Variants in SYN3 observed in about 807,000 individuals in gnomAD.
SYN3 encodes the protein synapsin-3.
SYN3 carries 35 observed loss-of-function variants against 65.8 expected under a neutral mutation model. The observed-to-expected ratio is 0.53, with a 90% confidence interval of 0.41 to 0.70. The LOEUF is 0.70. Ranked by LOEUF, SYN3 falls within the 30% of genes least tolerant of loss-of-function variation. The pLI is 0.00. For synonymous variants in SYN3, 270 were observed against 292.9 expected, an observed-to-expected ratio of 0.92 and a Z score of 0.80; for missense variants, 680 against 749.0, an observed-to-expected ratio of 0.91 and a Z score of 1.08.
chr22:32,857,912 C>A, intron 6 of SYN3: 1 of 1,557,402 alleles, frequency 6.4e-7, no homozygotes, highest in Non-Finnish European at 8.8e-7. Flanking sequence ...GAAAAGTACC[C>A]AGCCACAGTG....
At chr22:32,513,920 C>T in intron 13 of SYN3, 96 bp from the exon 14 acceptor site, 1 of 1,500,300 alleles carries the variant, frequency 6.7e-7, no homozygotes, top group South Asian at 1.2e-5. Context: ...TGGGCTACCC[C>T]AATCATCATA....
chr22:32,653,495 C>T (rs1420840928), intron 6 of SYN3, among the ~76,000 whole-genome samples: 4 of 152,118 alleles, frequency 2.6e-5, no homozygotes, highest in African/African-American at 4.8e-5. Context: ...GAAAAAAATG[C>T]TAGGGCTTCA....
chr22:33,006,716 C>T lies in SYN3; in HGVS notation c.-54G>A. On this transcript the variant is annotated 5_prime_UTR_variant, in exon 2 of 14. Coordinates refer to ENST00000358763, the MANE Select transcript of SYN3 (RefSeq NM_003490.4). ...CCTACCCAGACGTGTGTAGGTGAGG[C>T]CCAGAAGACAGGCTGCTGCCAGGTA... The T allele has an allele frequency of 6.7e-7, 1 of 1,502,554 alleles. No individual in the cohort carries two copies. Among genetic ancestry groups the T allele is most frequent in the South Asian group, 1.3e-5 (1 of 74,330 alleles). 93.1% of individuals were successfully genotyped at this position (1,502,554 alleles called of 1,614,324 possible). A position where few individuals can be genotyped will look rare whatever the true frequency, so the allele number is the denominator to read the frequency against.
chr22:32,676,673 A>G (rs1465527990), intron 6 of SYN3, among the ~76,000 whole-genome samples: 3 of 148,586 alleles, frequency 2.0e-5, no homozygotes, highest in East Asian at 4.0e-4. Context: ...AGTAGCTGGG[A>G]CTACAGGCAC....
intron 6 of SYN3, among the ~76,000 whole-genome samples, chr22:32,603,810 C>T (rs972471831): frequency 9.9e-5 from 15 of 152,228 alleles, no homozygotes; most frequent in African/African-American, 3.6e-4. Flanking sequence ...TCTGCATCAG[C>T]CTCTCACAGG....
At chr22:32,699,111 C>T (rs2060777093) in intron 6 of SYN3, among the ~76,000 whole-genome samples, 1 of 152,218 alleles carries the variant, frequency 6.6e-6, no homozygotes, top group African/African-American at 2.4e-5. Context: ...GAGCTTGGCC[C>T]AGGGTCTCCA....
chr22:32,821,385 A>G (rs888361450), intron 6 of SYN3, among the ~76,000 whole-genome samples: 1 of 152,230 alleles, frequency 6.6e-6, no homozygotes. Context: ...CTCTTCTGCT[A>G]ACCGCTAAGG....
intron 6 of SYN3, among the ~76,000 whole-genome samples, chr22:32,664,954 TC>T (rs2060269193): frequency 1.4e-5 from 2 of 142,834 alleles, no homozygotes; most frequent in South Asian, 4.8e-4. Context: ...CACCCTTTCC[TC>T]CCGAATCCCC....
intron 7 of SYN3, among the ~76,000 whole-genome samples, chr22:32,561,999 G>A (rs1450822989): frequency 6.6e-6 from 1 of 152,110 alleles, no homozygotes; most frequent in Non-Finnish European, 1.5e-5. Flanking sequence ...AACCTGCAAC[G>A]TGGCTGACTG....
chr22:32,998,927 G>A (rs898137633), intron 2 of SYN3, among the ~76,000 whole-genome samples: 14 of 152,002 alleles, frequency 9.2e-5, no homozygotes, highest in African/African-American at 2.7e-4. Context: ...CTCCTCCACC[G>A]TGTGTTCTGT....
chr22:32,729,322 G>A (rs1190376778), intron 6 of SYN3, among the ~76,000 whole-genome samples: 1 of 152,232 alleles, frequency 6.6e-6, no homozygotes, highest in African/African-American at 2.4e-5. Context: ...GGGCAAAAGC[G>A]TGATCCCGAT....
chr22:32,779,903 G>A (rs2045992534), intron 6 of SYN3, among the ~76,000 whole-genome samples: 2 of 151,844 alleles, frequency 1.3e-5, no homozygotes, highest in Non-Finnish European at 2.9e-5. Context: ...ACACAGCAGG[G>A]GAGCAGGAAC....
intron 1 of SYN3, among the ~76,000 whole-genome samples, chr22:33,053,285 C>T (rs935637847): frequency 6.6e-6 from 1 of 152,128 alleles, no homozygotes; most frequent in South Asian, 2.1e-4. Context: ...TAGCCGGGTG[C>T]GGTGGCGGGT....
chr22:32,632,638 C>A (rs146258155), intron 6 of SYN3, among the ~76,000 whole-genome samples: 75 of 152,274 alleles, frequency 4.9e-4, no homozygotes, highest in African/African-American at 1.8e-3. Flanking sequence ...AGGTTTGGGG[C>A]AGGAAGCTAG....
chr22:33,010,054 G>A (rs1312677091), intron 1 of SYN3, among the ~76,000 whole-genome samples: 1 of 152,026 alleles, frequency 6.6e-6, no homozygotes, highest in Non-Finnish European at 1.5e-5. Context: ...CCAACATGGA[G>A]AAACCCCGTC....
chr22:33,053,874 C>G (rs2054211680), intron 1 of SYN3, among the ~76,000 whole-genome samples: 1 of 152,102 alleles, frequency 6.6e-6, no homozygotes, highest in African/African-American at 2.4e-5. Context: ...TAAACCTGGA[C>G]AGTGCCTGCC....
intron 6 of SYN3, among the ~76,000 whole-genome samples, chr22:32,855,811 G>A (rs1451872166): frequency 2.0e-5 from 3 of 152,152 alleles, no homozygotes; most frequent in Non-Finnish European, 4.4e-5. Flanking sequence ...GGGCAAAATT[G>A]CCTCCAGTTG....
Position 32,884,619 on chromosome 22 carries a change from C to T in SYN3, c.462-15494G>A, listed in dbSNP as rs147417788. On this transcript the variant is annotated intron_variant, in intron 4 of 13. Transcript: ENST00000358763. ...TCGTGGCCGGGTGCGGTGGCTCACT[C>T]CTGTAACCCCCAGAACTTTGGTAGG... Among the ~76,000 whole-genome samples the T allele has an allele frequency of 2.5e-4, 38 of 152,260 alleles. 1 individual carries two copies. Among genetic ancestry groups the T allele is most frequent in the African/African-American group, 7.5e-4 (31 of 41,542 alleles).
At position 32,536,039 on chromosome 22, in the gene SYN3, C is replaced by A. The variant is rs534455093; in HGVS notation, c.992+1997G>T. ...CCAGGCCTGGGCAGGCCCACTCCCA[C>A]GTTAGGTTCCTCCAGGGATGGCCCA... On this transcript the variant is annotated intron_variant, in intron 9 of 13. Transcript: ENST00000358763. 5.9e-5 allele frequency among the ~76,000 whole-genome samples: 9 copies of A among 152,350 alleles called. No homozygotes were observed. In the East Asian group the frequency reaches 1.7e-3, roughly 29 times the overall value.
Sources: gnomAD v4.1 joint callset for allele counts (sites outside exome capture counted in the v4.1 genomes callset) on GRCh38, gnomAD v4.1.1 for gene constraint, MANE v1.5 for transcripts, NCBI Gene and HGNC (gene_info 2026-07-23, HGNC 2026-07-21) for gene names.